The following SLC24A3 variants were observed in gnomAD, a reference collection of about 807,000 sequenced individuals.
SLC24A3 encodes solute carrier family 24 member 3, also known as sodium/potassium/calcium exchanger 3.
In SLC24A3, 28 loss-of-function variants were observed where a neutral mutation model predicts 75.8. The observed-to-expected ratio is 0.37, with a 90% CI of 0.27 to 0.51. The LOEUF is 0.51. SLC24A3 is among the 20% of genes least tolerant of loss of function. The pLI is 0.94. For synonymous variants in SLC24A3, 372 were observed against 334.1 expected, an observed-to-expected ratio of 1.11 and a Z score of -1.24; for missense variants, 663 against 847.8, an observed-to-expected ratio of 0.78 and a Z score of 2.71.
At chr20:19,558,455 A>G (rs1304366238) in intron 3 of SLC24A3, among the ~76,000 whole-genome samples, 1 of 150,882 alleles carries the variant, frequency 6.6e-6, no homozygotes, top group Non-Finnish European at 1.5e-5. Flanking sequence ...TTTGACGTCT[A>G]CAGACATTTT....
intron 2 of SLC24A3, among the ~76,000 whole-genome samples, chr20:19,308,001 G>C (rs1354688263): frequency 6.6e-6 from 1 of 152,104 alleles, no homozygotes; most frequent in Admixed American, 6.6e-5. Flanking sequence ...AAAGTGAAAT[G>C]TTATCTTTAT....
At chr20:19,628,972 C>CA (rs1208723200) in intron 6 of SLC24A3, among the ~76,000 whole-genome samples, 1 of 138,704 alleles carries the variant, frequency 7.2e-6, no homozygotes, top group African/African-American at 2.5e-5. Flanking sequence ...AAAACAACAA[C>CA]AACAAACAAA....
At chr20:19,500,325 CT>C (rs1988366309) in intron 2 of SLC24A3, among the ~76,000 whole-genome samples, 1 of 152,188 alleles carries the variant, frequency 6.6e-6, no homozygotes, top group Non-Finnish European at 1.5e-5. Context: ...GCAGGGTCTC[CT>C]TTCCTTGTTC....
intron 3 of SLC24A3, among the ~76,000 whole-genome samples, chr20:19,573,611 T>C (rs940383363): frequency 6.6e-6 from 1 of 152,202 alleles, no homozygotes; most frequent in African/African-American, 2.4e-5. Flanking sequence ...GTCCAGATGG[T>C]GCATGGTGTC....
rs188566778 is a variant in SLC24A3 at position 19,515,479 on chromosome 20, G to T, written c.272-9G>T. On this transcript the variant is annotated splice_polypyrimidine_tract_variant and intron_variant, in intron 2 of 16. Coordinates refer to ENST00000328041, the MANE Select transcript of SLC24A3 (RefSeq NM_020689.4). ...TGTGCTGAGACGGTTTTCTTTCTCTGTTCTTTAGCCCTGCATGAATTCCCC... is the reference window on the plus strand; with the variant it reads ...TGTGCTGAGACGGTTTTCTTTCTCTTTTCTTTAGCCCTGCATGAATTCCCC... 1.7e-5 allele frequency: 28 copies of T among 1,613,982 alleles called. No individual in the cohort carries two copies. Among genetic ancestry groups the T allele is most frequent in the Admixed American group, 1.5e-4 (9 of 59,988 alleles).
chr20:19,245,958 G>T (rs1466210122), intron 1 of SLC24A3, among the ~76,000 whole-genome samples: 1 of 152,038 alleles, frequency 6.6e-6, no homozygotes, highest in Admixed American at 6.5e-5. Context: ...AGTCTTTAAG[G>T]TATAGAAGAT....
intron 1 of SLC24A3, among the ~76,000 whole-genome samples, chr20:19,269,041 T>G (rs1367044841): frequency 6.6e-6 from 1 of 152,262 alleles, no homozygotes; most frequent in Non-Finnish European, 1.5e-5. Context: ...GGCCTTGGAA[T>G]AGGGGACTCA....
intron 2 of SLC24A3, among the ~76,000 whole-genome samples, chr20:19,399,133 C>A (rs945041800): frequency 2.6e-5 from 4 of 152,048 alleles, no homozygotes; most frequent in Non-Finnish European, 5.9e-5. Context: ...GTTGATGTCA[C>A]CTCCCTCATT....
At chr20:19,333,563 G>A (rs547285310) in intron 2 of SLC24A3, among the ~76,000 whole-genome samples, 55 of 152,200 alleles carry the variant, frequency 3.6e-4, no homozygotes, top group African/African-American at 1.1e-3. Context: ...ATACATTTTT[G>A]TGTGGGAATT....
intron 2 of SLC24A3, among the ~76,000 whole-genome samples, chr20:19,478,398 G>GT (rs1418982588): frequency 6.6e-6 from 1 of 152,106 alleles, no homozygotes; most frequent in Non-Finnish European, 1.5e-5. Context: ...TCGTGCTATG[G>GT]TTTTTTTCTT....
At chr20:19,509,429 C>T (rs1988504122) in intron 2 of SLC24A3, among the ~76,000 whole-genome samples, 1 of 152,224 alleles carries the variant, frequency 6.6e-6, no homozygotes, top group African/African-American at 2.4e-5. Flanking sequence ...CATTGTCTTA[C>T]CTCTTGTTCT....
At chr20:19,534,409 T>G (rs867755881) in intron 3 of SLC24A3, among the ~76,000 whole-genome samples, 2 of 10,790 alleles carry the variant, frequency 1.9e-4, no homozygotes, top group South Asian at 6.0e-3. Flanking sequence ...TGTTGTTGTT[T>G]TTTTGTTTTG....
At chr20:19,373,958 G>C (rs1193876858) in intron 2 of SLC24A3, among the ~76,000 whole-genome samples, 1 of 152,160 alleles carries the variant, frequency 6.6e-6, no homozygotes, top group Non-Finnish European at 1.5e-5. Context: ...CCTTGAATGG[G>C]TTGAATAACT....
At chr20:19,544,088 T>A (rs2030548561) in intron 3 of SLC24A3, among the ~76,000 whole-genome samples, 1 of 152,228 alleles carries the variant, frequency 6.6e-6, no homozygotes, top group Non-Finnish European at 1.5e-5. Context: ...ACCAAAAATA[T>A]CATTTCCCAG....
intron 2 of SLC24A3, among the ~76,000 whole-genome samples, chr20:19,496,859 A>G (rs1988296742): frequency 6.6e-6 from 1 of 152,190 alleles, no homozygotes; most frequent in South Asian, 2.1e-4. Context: ...TGCCAGCTTC[A>G]GTTCCATTAT....
At chr20:19,638,826 C>A (rs966874625) in intron 6 of SLC24A3, among the ~76,000 whole-genome samples, 1 of 152,140 alleles carries the variant, frequency 6.6e-6, no homozygotes, top group African/African-American at 2.4e-5. Context: ...TAAGTTGGCA[C>A]GTCTGGAGTT....
intron 6 of SLC24A3, among the ~76,000 whole-genome samples, chr20:19,590,393 G>A (rs2031359014): frequency 6.6e-6 from 1 of 152,016 alleles, no homozygotes; most frequent in African/African-American, 2.4e-5. Context: ...CAGCTCCCCT[G>A]TTCCAATCCT....
rs148700961 is a variant in SLC24A3 at position 19,311,901 on chromosome 20, G to A, written c.271+30814G>A. Among the ~76,000 whole-genome samples the A allele has an allele frequency of 1.2e-3, 179 of 152,072 alleles. 1 individual carries two copies. Among genetic ancestry groups the A allele is most frequent in the African/African-American group, 3.5e-3 (144 of 41,470 alleles). ...AGGCCCACTGAGAAACATGGCTGCC[G>A]GTGCTGTGTGTGTAGCATGAGGGTT... is the stretch of plus-strand genomic sequence containing the variant. On this transcript the variant is annotated intron_variant, in intron 2 of 16. Coordinates refer to ENST00000328041, the MANE Select transcript of SLC24A3 (RefSeq NM_020689.4).
intron 4 of SLC24A3, among the ~76,000 whole-genome samples, chr20:19,582,215 AGTGGCCT>A (rs1389749503): frequency 6.6e-6 from 1 of 152,246 alleles, no homozygotes; most frequent in Non-Finnish European, 1.5e-5. Context: ...GTCCACCAGC[AGTGGCCT>A]GGAGGGCCTC....
Sources: gnomAD v4.1 joint callset for allele counts (sites outside exome capture counted in the v4.1 genomes callset) on GRCh38, gnomAD v4.1.1 for gene constraint, MANE v1.5 for transcripts, NCBI Gene and HGNC (gene_info 2026-07-23, HGNC 2026-07-21) for gene names.